PRKCA: variants seen among roughly 807,000 people sequenced by gnomAD.
The protein encoded by PRKCA is protein kinase C alpha, also known as protein kinase C alpha type.
In PRKCA, 27 loss-of-function variants were observed where a neutral mutation model predicts 87.0. The observed-to-expected ratio is 0.31, with a 90% confidence interval of 0.23 to 0.43. The LOEUF (loss-of-function observed/expected upper bound fraction) is 0.43, where lower values mean the gene tolerates loss of function less well. Among genes scored for constraint, PRKCA ranks in the 20% least tolerant of loss-of-function variants. The pLI is 1.00. For synonymous variants in PRKCA, 329 were observed against 311.1 expected (o/e 1.06, Z -0.61); for missense variants, 518 against 852.3 (o/e 0.61, Z 4.88).
chr17:66,309,479 A>G (rs1267936705), intron 2 of PRKCA, among the ~76,000 whole-genome samples: 3 of 152,136 alleles, frequency 2.0e-5, no homozygotes, highest in Non-Finnish European at 2.9e-5. Flanking sequence ...TAGGTATACA[A>G]TCCTGAAAAC....
chr17:66,475,434 A>G (rs535310114), intron 2 of PRKCA, among the ~76,000 whole-genome samples: 1 of 152,026 alleles, frequency 6.6e-6, no homozygotes, highest in African/African-American at 2.4e-5. Context: ...AGGTATGGGG[A>G]TTTTCGAATG....
At chr17:66,786,048 T>C (rs1975380552) in intron 14 of PRKCA, among the ~76,000 whole-genome samples, 1 of 152,182 alleles carries the variant, frequency 6.6e-6, no homozygotes, top group Non-Finnish European at 1.5e-5. Flanking sequence ...CAGGATGGTC[T>C]CGATCACCTG....
intron 6 of PRKCA, among the ~76,000 whole-genome samples, chr17:66,687,967 A>G (rs1004469893): frequency 6.6e-6 from 1 of 152,208 alleles, no homozygotes; most frequent in East Asian, 1.9e-4. Context: ...CAGATAGTAT[A>G]TATTTTAGGC....
In PRKCA at chr17:66,794,454, C is replaced by CTT. The variant is rs113607372; in HGVS notation, c.1854+5486_1854+5487dup. Among the ~76,000 whole-genome samples, 195 of 141,698 alleles carry CTT rather than the reference C, an allele frequency of 1.4e-3. 1 individual carries two copies. The highest frequency in any genetic ancestry group is 4.9e-3 in the African/African-American group (189 of 38,740). 93.0% of individuals were successfully genotyped at this position (141,698 alleles called of 152,430 possible). A position where few individuals can be genotyped will look rare whatever the true frequency, so the allele number is the denominator to read the frequency against. On this transcript the variant is annotated intron_variant, in intron 16 of 16. Transcript: ENST00000413366. ...AATTATCGAAGCTGGTGCAAGGATCCTTTTTTTTTTTTAATTTTATTTTGA... is the reference window on the plus strand; with the variant it reads ...AATTATCGAAGCTGGTGCAAGGATCCTTTTTTTTTTTTTTAATTTTATTTTGA...
At chr17:66,604,871 G>T (rs1782853518) in intron 3 of PRKCA, among the ~76,000 whole-genome samples, 1 of 152,042 alleles carries the variant, frequency 6.6e-6, no homozygotes, top group Admixed American at 6.5e-5. Context: ...GGACTTGGGG[G>T]TGCGTTGCCT....
At chr17:66,390,564 G>A (rs2143634585) in intron 2 of PRKCA, among the ~76,000 whole-genome samples, 1 of 152,258 alleles carries the variant, frequency 6.6e-6, no homozygotes, top group Non-Finnish European at 1.5e-5. Context: ...AAAATGGAGA[G>A]GAGATGCCAT....
At chr17:66,357,678 G>A (rs1908144577) in intron 2 of PRKCA, among the ~76,000 whole-genome samples, 1 of 152,316 alleles carries the variant, frequency 6.6e-6, no homozygotes, top group African/African-American at 2.4e-5. Context: ...TCTCATAGGA[G>A]TTTGTGCTTA....
intron 2 of PRKCA, among the ~76,000 whole-genome samples, chr17:66,483,653 G>A (rs78446989): frequency 0.15 from 22,555 of 151,714 alleles, 1,963 homozygotes; most frequent in East Asian, 0.29. Context: ...AGTAGAGACA[G>A]GGTTTCACTG....
intron 3 of PRKCA, among the ~76,000 whole-genome samples, chr17:66,516,387 C>T (rs1016373693): frequency 2.0e-5 from 3 of 152,128 alleles, no homozygotes; most frequent in Non-Finnish European, 4.4e-5. Flanking sequence ...AATCCCAGCA[C>T]TTTGGAAAGC....
At chr17:66,718,506 G>C (rs1057067163) in intron 8 of PRKCA, among the ~76,000 whole-genome samples, 1 of 152,122 alleles carries the variant, frequency 6.6e-6, no homozygotes. Flanking sequence ...TTGTAGAGAT[G>C]GGGGTCTCAC....
At chr17:66,340,548 G>A (rs186757786) in intron 2 of PRKCA, among the ~76,000 whole-genome samples, 8 of 152,154 alleles carry the variant, frequency 5.3e-5, no homozygotes, top group East Asian at 1.9e-4. Flanking sequence ...TTAATTTGGC[G>A]TAAGTGTGAT....
chr17:66,698,840 G>T (rs1217519137), intron 8 of PRKCA, among the ~76,000 whole-genome samples: 1 of 145,394 alleles, frequency 6.9e-6, no homozygotes, highest in Non-Finnish European at 1.5e-5. Context: ...AAAAAAATAG[G>T]TGTAGTGGTG....
At chr17:66,793,586 GTC>G (rs1163012867) in intron 16 of PRKCA, among the ~76,000 whole-genome samples, 1 of 75,850 alleles carries the variant, frequency 1.3e-5, no homozygotes, top group African/African-American at 7.9e-5. Context: ...ATGAAACTCC[GTC>G]TCAAAAAAAA....
chr17:66,626,064 AAT>A (rs1414701913), intron 3 of PRKCA, among the ~76,000 whole-genome samples: 3 of 152,190 alleles, frequency 2.0e-5, no homozygotes, highest in Non-Finnish European at 4.4e-5. Flanking sequence ...GTAAACTAGA[AAT>A]ATGTTTCCGA....
chr17:66,724,530 A>G (rs2144172461), intron 8 of PRKCA, among the ~76,000 whole-genome samples: 1 of 152,322 alleles, frequency 6.6e-6, no homozygotes, highest in East Asian at 1.9e-4. Flanking sequence ...TAATGAGTTA[A>G]TATCTGCTTG....
chr17:66,801,560 C>T (rs1022038480), intron 16 of PRKCA, among the ~76,000 whole-genome samples: 10 of 152,146 alleles, frequency 6.6e-5, no homozygotes, highest in Admixed American at 2.0e-4. Flanking sequence ...AAACAGCATG[C>T]CCTTATTTAT....
At chr17:66,312,652 C>CAAA (rs909747555) in intron 2 of PRKCA, among the ~76,000 whole-genome samples, 57 of 151,894 alleles carry the variant, frequency 3.8e-4, no homozygotes, top group African/African-American at 1.3e-3. Context: ...ATATCTGTTT[C>CAAA]ACCTGTTAAG....
chr17:66,790,136 G>A (rs1975495760), intron 16 of PRKCA, among the ~76,000 whole-genome samples: 1 of 152,202 alleles, frequency 6.6e-6, no homozygotes, highest in African/African-American at 2.4e-5. Flanking sequence ...GGACCCACCT[G>A]GGGTGGCACA....
At chr17:66,457,002 A>G (rs1914603780) in intron 2 of PRKCA, among the ~76,000 whole-genome samples, 1 of 152,146 alleles carries the variant, frequency 6.6e-6, no homozygotes, top group Admixed American at 6.5e-5. Context: ...AGGGAGTGAG[A>G]GGTTCATGTA....
Sources: allele counts gnomAD v4.1 joint callset (sites outside exome capture counted in the v4.1 genomes callset), GRCh38; gene constraint gnomAD v4.1.1; transcripts MANE v1.5; gene names NCBI Gene and HGNC (gene_info 2026-07-23, HGNC 2026-07-21).